Variants in COMMD1 observed in about 807,000 individuals in gnomAD.
The protein encoded by COMMD1 is COMM domain-containing protein 1.
Under a neutral mutation model 17.2 loss-of-function variants are expected in COMMD1, and 10 were observed. The ratio of observed to expected loss-of-function variants is 0.58; its 90% CI spans 0.36 to 0.99. COMMD1 has a LOEUF of 0.99. Ranked by LOEUF, COMMD1 falls within the 50% of genes least tolerant of loss-of-function variation. The pLI is 0.01. For synonymous variants in COMMD1, 97 were observed against 91.6 expected, an observed-to-expected ratio of 1.06 and a Z score of -0.34; for missense variants, 270 against 231.8, an observed-to-expected ratio of 1.17 and a Z score of -1.07.
chr2:61,962,666 A>C (rs995325672), intron 1 of COMMD1, among the ~76,000 whole-genome samples: 1 of 152,154 alleles, frequency 6.6e-6, no homozygotes, highest in African/African-American at 2.4e-5. Context: ...TCCCTGGTGA[A>C]CAGTACTCTG....
At chr2:61,917,471 ATAT>A (rs1205376122) in intron 1 of COMMD1, among the ~76,000 whole-genome samples, 4 of 152,184 alleles carry the variant, frequency 2.6e-5, no homozygotes, top group African/African-American at 9.6e-5. Flanking sequence ...AATGGTATTA[ATAT>A]TATCATGTAT....
At chr2:62,109,234 T>A (rs1011144028) in intron 2 of COMMD1, among the ~76,000 whole-genome samples, 8 of 152,196 alleles carry the variant, frequency 5.3e-5, no homozygotes, top group Non-Finnish European at 1.0e-4. Context: ...AATTTTCTGA[T>A]CTGGCTTGGT....
At chr2:61,960,942 G>C (rs1453517829) in intron 1 of COMMD1, among the ~76,000 whole-genome samples, 1 of 152,100 alleles carries the variant, frequency 6.6e-6, no homozygotes, top group Non-Finnish European at 1.5e-5. Flanking sequence ...CTTCTTTTTG[G>C]CGTTACTGAG....
upstream of COMMD1, chr2:61,905,632 G>A (rs755552771): frequency 2.7e-6 from 4 of 1,489,896 alleles, no homozygotes; most frequent in Non-Finnish European, 3.6e-6. Context: ...CTCGGCCGCC[G>A]TGGCGGGGCA....
At position 61,930,410 on chromosome 2, in the gene COMMD1, G is replaced by A. The variant is rs1670431395; in HGVS notation, c.180+24552G>A. ...ATCTCTACTAAAAATACAAAAATTA[G>A]CCAGGCGTGGTGGCACGTGCCTGTA... On this transcript the variant is annotated intron_variant, in intron 1 of 2. Transcript: ENST00000311832. Among the ~76,000 whole-genome samples the A allele has an allele frequency of 3.9e-5, 6 of 152,140 alleles. No individual in the cohort carries two copies. In the South Asian group the frequency reaches 1.2e-3, roughly 32 times the overall value.
chr2:62,123,709 TTA>T (rs1459912382), intron 2 of COMMD1, among the ~76,000 whole-genome samples: 3 of 151,822 alleles, frequency 2.0e-5, no homozygotes, highest in Non-Finnish European at 4.4e-5. Context: ...TCTGATTCTT[TTA>T]TATCTTGTGC....
At chr2:62,004,402 G>C (rs1669056673) in intron 2 of COMMD1, among the ~76,000 whole-genome samples, 2 of 152,126 alleles carry the variant, frequency 1.3e-5, no homozygotes. Context: ...CCGAGTTCAA[G>C]TGGTTCTCTT....
At chr2:62,106,644 C>T (rs1029281884) in intron 2 of COMMD1, among the ~76,000 whole-genome samples, 10 of 152,166 alleles carry the variant, frequency 6.6e-5, no homozygotes, top group Non-Finnish European at 1.5e-4. Context: ...GACGTAGAGT[C>T]GTCTCAGGAT....
rs562633867 is a variant in COMMD1, at chr2:62,086,353, C to CA, written c.463-49470dup. On this transcript the variant is annotated intron_variant, in intron 2 of 2. Coordinates refer to ENST00000311832, the MANE Select transcript of COMMD1 (RefSeq NM_152516.4). The stretch of plus-strand genomic sequence containing the variant: ...TGAAACCCTGTCTCTACTAAAAATA[C>CA]AAAAAAAATTAGCCAGGCCTGGCGG... Among the ~76,000 whole-genome samples, 701 of 151,384 alleles carry CA rather than the reference C, an allele frequency of 4.6e-3. 3 individuals carry two copies. Among genetic ancestry groups the CA allele is most frequent in the Middle Eastern group, 0.01 (3 of 292 alleles).
At chr2:61,967,800 C>T (rs1671542482) in intron 1 of COMMD1, among the ~76,000 whole-genome samples, 1 of 152,048 alleles carries the variant, frequency 6.6e-6, no homozygotes, top group African/African-American at 2.4e-5. Context: ...GTATTCAGTC[C>T]TGAATGTCAA....
At chr2:61,913,750 T>G (rs567413185) in intron 1 of COMMD1, among the ~76,000 whole-genome samples, 7 of 126,270 alleles carry the variant, frequency 5.5e-5, no homozygotes, top group African/African-American at 2.2e-4. Flanking sequence ...GAGCCAAGAT[T>G]GCACCACTGC....
chr2:62,058,244 G>A (rs116595852), intron 2 of COMMD1, among the ~76,000 whole-genome samples: 1,845 of 152,270 alleles, frequency 0.012, 39 homozygotes, highest in African/African-American at 0.041. Context: ...GGTTAATAGT[G>A]CTGTTCACAT....
chr2:61,902,496 G>A (rs1263687894), upstream of COMMD1, among the ~76,000 whole-genome samples: 6 of 151,176 alleles, frequency 4.0e-5, no homozygotes, highest in African/African-American at 1.2e-4. Context: ...GGCGACAAGA[G>A]CGAAACTCCA....
upstream of COMMD1, among the ~76,000 whole-genome samples, chr2:61,902,946 G>A (rs1025295668): frequency 3.9e-5 from 6 of 152,146 alleles, no homozygotes; most frequent in South Asian, 4.1e-4. Flanking sequence ...TGTAAATTAC[G>A]TGTTTAATAG....
chr2:62,000,665 A>T (rs762369245), intron 1 of COMMD1, 36 bp from the exon 2 acceptor site: 33 of 1,601,658 alleles, frequency 2.1e-5, no homozygotes, highest in Non-Finnish European at 2.7e-5. Context: ...TTACCTATTT[A>T]ATTCAAATTT....
chr2:61,957,087 C>CGTGTGTGTGTGTGT (rs10679710), intron 1 of COMMD1, among the ~76,000 whole-genome samples: 4 of 146,902 alleles, frequency 2.7e-5, no homozygotes, highest in African/African-American at 5.0e-5. Flanking sequence ...AAGATGGATG[C>CGTGTGTGTGTGTGT]GTGTGTGTGT....
chr2:62,122,900 G>T (rs942295138), intron 2 of COMMD1, among the ~76,000 whole-genome samples: 8 of 152,212 alleles, frequency 5.3e-5, no homozygotes, highest in East Asian at 3.8e-4. Context: ...TTAACGCACA[G>T]GCCCTGAGCC....
At chr2:62,035,348 T>C (rs1670009548) in intron 2 of COMMD1, among the ~76,000 whole-genome samples, 1 of 152,242 alleles carries the variant, frequency 6.6e-6, no homozygotes, top group Admixed American at 6.5e-5. Flanking sequence ...GAAATAAGTT[T>C]TTATTGATAG....
At chr2:62,096,168 T>G (rs114954408) in intron 2 of COMMD1, among the ~76,000 whole-genome samples, 13,195 of 152,176 alleles carry the variant, frequency 0.087, 731 homozygotes, top group Non-Finnish European at 0.12. Context: ...TTTGCTTTTA[T>G]GACATTAGGT....
Sources: allele counts gnomAD v4.1 joint callset (sites outside exome capture counted in the v4.1 genomes callset), GRCh38; gene constraint gnomAD v4.1.1; transcripts MANE v1.5; gene names NCBI Gene and HGNC (gene_info 2026-07-23, HGNC 2026-07-21).